Variants in EYA1 observed in about 807,000 individuals in gnomAD.
EYA1 encodes protein phosphatase EYA1.
A neutral mutation model predicts 82.0 loss-of-function variants in EYA1; 16 were observed. That is an observed-to-expected ratio of 0.20 (90% CI 0.13 to 0.30). EYA1 has a LOEUF of 0.30. Among genes scored for constraint, EYA1 ranks in the 10% least tolerant of loss-of-function variants. EYA1 has a pLI of 1.00. For synonymous variants in EYA1, 261 were observed against 264.4 expected (o/e 0.99, Z 0.12); for missense variants, 633 against 730.7 (o/e 0.87, Z 1.54).
chr8:71,254,553 C>T (rs1472086468), intron 11 of EYA1, among the ~76,000 whole-genome samples: 1 of 151,956 alleles, frequency 6.6e-6, no homozygotes. Flanking sequence ...ACTTTATAAA[C>T]TAGAAAGAAA....
chr8:71,456,971 G>A (rs1807976754), intron 2 of EYA1, among the ~76,000 whole-genome samples: 2 of 151,848 alleles, frequency 1.3e-5, no homozygotes, highest in East Asian at 1.9e-4. Flanking sequence ...AAGTGAACAG[G>A]CAACCTACAG....
At chr8:71,451,421 G>A (rs565777257) in intron 2 of EYA1, among the ~76,000 whole-genome samples, 80 of 152,210 alleles carry the variant, frequency 5.3e-4, no homozygotes, top group African/African-American at 1.8e-3. Flanking sequence ...AAGAATAAGA[G>A]CAGAATATGA....
chr8:71,474,856 G>A (rs1010296392), intron 2 of EYA1, among the ~76,000 whole-genome samples: 2 of 152,194 alleles, frequency 1.3e-5, no homozygotes, highest in Non-Finnish European at 2.9e-5. Flanking sequence ...TAGAGGCCAG[G>A]AGCGGTGGCT....
chr8:71,400,954 C>T (rs891522222), intron 2 of EYA1, among the ~76,000 whole-genome samples: 1 of 152,052 alleles, frequency 6.6e-6, no homozygotes, highest in African/African-American at 2.4e-5. Context: ...TACTATGCAG[C>T]CATAAAAAGG....
chr8:71,350,420 A>G (rs945083444), intron 3 of EYA1, among the ~76,000 whole-genome samples: 2 of 152,204 alleles, frequency 1.3e-5, no homozygotes, highest in Non-Finnish European at 2.9e-5. Flanking sequence ...AATTTATAAA[A>G]CTGAATCTAT....
intron 11 of EYA1, among the ~76,000 whole-genome samples, chr8:71,266,222 T>A (rs1815789667): frequency 6.6e-6 from 1 of 152,206 alleles, no homozygotes; most frequent in Admixed American, 6.5e-5. Flanking sequence ...CTCAGCCACA[T>A]GCTCCCCTTG....
intron 3 of EYA1, among the ~76,000 whole-genome samples, chr8:71,336,103 G>A (rs1328550469): frequency 2.0e-5 from 3 of 152,104 alleles, no homozygotes; most frequent in Non-Finnish European, 2.9e-5. Flanking sequence ...AAAACCAAAG[G>A]GGTTAGGAAG....
rs538624543 is a variant in EYA1, at chr8:71,354,428, C to T, written c.124+354G>A. Among the ~76,000 whole-genome samples the T allele has an allele frequency of 1.6e-3, 236 of 152,240 alleles. 1 individual carries two copies. Among genetic ancestry groups the T allele is most frequent in the African/African-American group, 5.3e-3 (220 of 41,546 alleles). ...AATAAAGGAAATAATTCCAAGTTTT[C>T]ACTGGTCACACAACAAAACAACACA... On this transcript the variant is annotated intron_variant, in intron 3 of 17. Coordinates refer to ENST00000340726, the MANE Select transcript of EYA1 (RefSeq NM_000503.6).
intron 1 of EYA1, among the ~76,000 whole-genome samples, chr8:71,545,452 GT>G (rs1182100420): frequency 6.6e-6 from 1 of 150,822 alleles, no homozygotes; most frequent in East Asian, 1.9e-4. Context: ...AATCAATACT[GT>G]TATTATAACA....
At chr8:71,245,130 C>T (rs1011191340) in intron 11 of EYA1, among the ~76,000 whole-genome samples, 9 of 152,184 alleles carry the variant, frequency 5.9e-5, no homozygotes, top group Non-Finnish European at 2.9e-5. Context: ...AGCAAGCTTG[C>T]CCAACCTGCA....
At chr8:71,263,764 A>AT (rs1397137484) in intron 11 of EYA1, among the ~76,000 whole-genome samples, 4 of 152,094 alleles carry the variant, frequency 2.6e-5, no homozygotes, top group Admixed American at 6.5e-5. Context: ...TTGTGCTTTT[A>AT]TTTTTTTAAA....
intron 2 of EYA1, among the ~76,000 whole-genome samples, chr8:71,477,288 A>C (rs1809737713): frequency 6.6e-6 from 1 of 152,184 alleles, no homozygotes; most frequent in Non-Finnish European, 1.5e-5. Context: ...GACAAGCTAC[A>C]GAATACAGAA....
intron 2 of EYA1, among the ~76,000 whole-genome samples, chr8:71,392,997 G>A (rs931371882): frequency 3.3e-5 from 5 of 152,044 alleles, no homozygotes; most frequent in Admixed American, 6.6e-5. Context: ...CAGTTTAGTT[G>A]CTATTGAGTT....
At chr8:71,528,966 T>C (rs958667216) in intron 2 of EYA1, among the ~76,000 whole-genome samples, 13 of 152,244 alleles carry the variant, frequency 8.5e-5, no homozygotes, top group Non-Finnish European at 1.8e-4. Context: ...TTGACGCTAG[T>C]GGCTGTATAT....
At chr8:71,237,525 T>C (rs1466107956) in intron 12 of EYA1, among the ~76,000 whole-genome samples, 1 of 141,166 alleles carries the variant, frequency 7.1e-6, no homozygotes, top group Non-Finnish European at 1.5e-5. Flanking sequence ...TATTTGTCTC[T>C]GACTACAGAA....
chr8:71,540,116 A>G (rs1378502713), intron 1 of EYA1, among the ~76,000 whole-genome samples: 1 of 87,350 alleles, frequency 1.1e-5, no homozygotes, highest in Non-Finnish European at 2.0e-5. Flanking sequence ...CAGAAACTTT[A>G]AAGTACATAA....
intron 12 of EYA1, among the ~76,000 whole-genome samples, chr8:71,239,122 C>A (rs960352604): frequency 2.0e-5 from 3 of 151,856 alleles, no homozygotes; most frequent in Admixed American, 1.3e-4. Context: ...ACAAGAAGAG[C>A]AATAAAAATT....
At chr8:71,437,828 T>A (rs1422042018) in intron 2 of EYA1, among the ~76,000 whole-genome samples, 1 of 151,734 alleles carries the variant, frequency 6.6e-6, no homozygotes, top group Non-Finnish European at 1.5e-5. Flanking sequence ...AAAAATGACA[T>A]AGGAGTTCTA....
chr8:71,487,552 T>C (rs1810666174), intron 2 of EYA1, among the ~76,000 whole-genome samples: 1 of 152,200 alleles, frequency 6.6e-6, no homozygotes, highest in Non-Finnish European at 1.5e-5. Context: ...ACTGCCTAAC[T>C]CTACCAAAAG....
Sources: allele counts gnomAD v4.1 joint callset (sites outside exome capture counted in the v4.1 genomes callset), GRCh38; gene constraint gnomAD v4.1.1; transcripts MANE v1.5; gene names NCBI Gene and HGNC (gene_info 2026-07-23, HGNC 2026-07-21).